MICU3: variants seen among roughly 807,000 people sequenced by gnomAD.
The protein encoded by MICU3 is calcium uptake protein 3, mitochondrial.
A neutral mutation model predicts 66.5 loss-of-function variants in MICU3; 62 were observed. The observed-to-expected ratio is 0.93, with a 90% CI of 0.76 to 1.15. The LOEUF (loss-of-function observed/expected upper bound fraction) is 1.15, where lower values mean the gene tolerates loss of function less well. MICU3 is among the 50% of genes most tolerant of loss of function. MICU3 has a pLI of 0.00. For synonymous variants in MICU3, 308 were observed against 240.7 expected (o/e 1.28, Z -2.59); for missense variants, 779 against 664.4 (o/e 1.17, Z -1.90).
At chr8:17,070,814 C>T (rs1819470810) in intron 3 of MICU3, among the ~76,000 whole-genome samples, 1 of 151,986 alleles carries the variant, frequency 6.6e-6, no homozygotes, top group South Asian at 2.1e-4. Flanking sequence ...TGCTCTAAGA[C>T]CCCTGGTAAT....
intron 10 of MICU3, 96 bp downstream of exon 10, chr8:17,104,587 G>A: frequency 3.8e-6 from 2 of 526,124 alleles, no homozygotes; most frequent in Non-Finnish European, 6.2e-6. Flanking sequence ...TCACCTCTTT[G>A]TTACTTTAAT....
chr8:17,113,014 G>A (rs532091784), intron 11 of MICU3, among the ~76,000 whole-genome samples: 13 of 152,308 alleles, frequency 8.5e-5, no homozygotes, highest in African/African-American at 3.1e-4. Context: ...TGTAAGGAAA[G>A]GAAAGTAAAC....
intron 11 of MICU3, among the ~76,000 whole-genome samples, chr8:17,113,863 T>TAA (rs1326292704): frequency 6.6e-6 from 1 of 152,192 alleles, no homozygotes; most frequent in East Asian, 1.9e-4. Flanking sequence ...CGACAGTGTT[T>TAA]ACAAAATACT....
chr8:17,134,903 C>A, the MICU3 span, among the ~76,000 whole-genome samples: 1 of 152,208 alleles, frequency 6.6e-6, no homozygotes, highest in Non-Finnish European at 1.5e-5. Context: ...AGTATCTGGG[C>A]ACCAAATGGC....
At position 17,068,109 on chromosome 8, in the gene MICU3, A is replaced by G. The variant is rs191337303; in HGVS notation, c.536-1579A>G. On this transcript the variant is annotated intron_variant, in intron 2 of 14. Coordinates refer to ENST00000318063, the MANE Select transcript of MICU3 (RefSeq NM_181723.3). ...ACAAAAACGTATTAAAAATATAATG[A>G]ACATCAACCTACAGCTTAAGAAATA... is the stretch of plus-strand genomic sequence containing the variant. 8.5e-5 allele frequency among the ~76,000 whole-genome samples: 13 copies of G among 152,292 alleles called. 1 individual carries two copies. The East Asian group carries it at 2.5e-3, about 29-fold the overall frequency.
intron 1 of MICU3, among the ~76,000 whole-genome samples, chr8:17,059,847 T>A (rs1817547155): frequency 6.6e-6 from 1 of 152,184 alleles, no homozygotes; most frequent in African/African-American, 2.4e-5. Flanking sequence ...GTTGAAGACT[T>A]GATTAAATAG....
chr8:17,057,384 C>G (rs1411991893), intron 1 of MICU3, among the ~76,000 whole-genome samples: 1 of 152,160 alleles, frequency 6.6e-6, no homozygotes, highest in African/African-American at 2.4e-5. Flanking sequence ...ACCCTGATCT[C>G]TGGCCTGAGA....
chr8:17,028,513 C>T (rs966869941), intron 1 of MICU3, among the ~76,000 whole-genome samples: 6 of 152,116 alleles, frequency 3.9e-5, no homozygotes, highest in East Asian at 1.9e-4. Context: ...AGGAGATTTT[C>T]CTTGCAAGGC....
chr8:17,053,249 C>A (rs1360462867), intron 1 of MICU3, among the ~76,000 whole-genome samples: 2 of 152,002 alleles, frequency 1.3e-5, no homozygotes, highest in African/African-American at 4.8e-5. Context: ...TTTTAAATTG[C>A]CTCTTTTAGG....
In MICU3 at chr8:17,027,716, T is replaced by A. The variant is rs190225001; in HGVS notation, c.381+56T>A. ...CGGGGGATGTGACCTTCGTGCCGGG[T>A]ACGCAGGACCCTGGAGGCTGTGGGG... On this transcript the variant is annotated intron_variant, in intron 1 of 14. Transcript: ENST00000318063. 6.0e-4 allele frequency: 761 copies of A among 1,261,192 alleles called. 1 individual carries two copies. In the African/African-American group the frequency reaches 0.011, roughly 18 times the overall value. The allele number at this position is 1,261,192 out of a possible 1,614,324, so 78.1% of individuals were successfully genotyped here.
intron 1 of MICU3, among the ~76,000 whole-genome samples, chr8:17,062,759 C>T (rs1393054693): frequency 1.3e-5 from 2 of 151,944 alleles, no homozygotes; most frequent in Non-Finnish European, 2.9e-5. Context: ...ATCAGTTTCA[C>T]TCCTAAGGAT....
downstream of MICU3, among the ~76,000 whole-genome samples, chr8:17,122,836 C>G (rs1301248492): frequency 6.6e-6 from 1 of 151,918 alleles, no homozygotes; most frequent in Non-Finnish European, 1.5e-5. Flanking sequence ...TATAAGGCTT[C>G]TCAAAGTAAA....
intron 2 of MICU3, among the ~76,000 whole-genome samples, chr8:17,066,861 T>C (rs1202308190): frequency 5.9e-5 from 9 of 152,126 alleles, no homozygotes; most frequent in Admixed American, 5.9e-4. Flanking sequence ...TTTCATATTT[T>C]GAAAAATTTT....
chr8:17,076,027 G>GT (rs1231767670), intron 3 of MICU3, among the ~76,000 whole-genome samples: 2 of 151,970 alleles, frequency 1.3e-5, no homozygotes, highest in Admixed American at 6.6e-5. Context: ...TGTTTTTTAA[G>GT]TTTTTTTATA....
chr8:17,137,601 G>C, the MICU3 span, among the ~76,000 whole-genome samples: 1 of 150,334 alleles, frequency 6.7e-6, no homozygotes, highest in Non-Finnish European at 1.5e-5. Context: ...CTTTTCTTGG[G>C]ATATGGAAAT....
intron 11 of MICU3, among the ~76,000 whole-genome samples, chr8:17,107,783 C>A (rs538798929): frequency 3.7e-4 from 56 of 152,290 alleles, no homozygotes; most frequent in East Asian, 1.2e-3. Context: ...AGGCATGATG[C>A]TCATTCAGCA....
At chr8:17,040,644 A>T (rs886918326) in intron 1 of MICU3, among the ~76,000 whole-genome samples, 6 of 152,116 alleles carry the variant, frequency 3.9e-5, no homozygotes, top group East Asian at 1.9e-4. Flanking sequence ...TAAACATATG[A>T]AAAAAAATTC....
intron 1 of MICU3, among the ~76,000 whole-genome samples, chr8:17,034,941 G>A (rs1440136913): frequency 6.6e-6 from 1 of 152,212 alleles, no homozygotes; most frequent in Non-Finnish European, 1.5e-5. Flanking sequence ...TCCCACCCAA[G>A]TCATACCTTG....
intron 1 of MICU3, among the ~76,000 whole-genome samples, chr8:17,062,684 T>C (rs1299249932): frequency 6.6e-6 from 1 of 152,188 alleles, no homozygotes; most frequent in African/African-American, 2.4e-5. Flanking sequence ...TGTGTGTTAC[T>C]GATAATCATG....
Sources: allele counts gnomAD v4.1 joint callset (sites outside exome capture counted in the v4.1 genomes callset), GRCh38; gene constraint gnomAD v4.1.1; transcripts MANE v1.5; gene names NCBI Gene and HGNC (gene_info 2026-07-23, HGNC 2026-07-21).